The following PXDNL variants were observed in gnomAD, a reference collection of about 807,000 sequenced individuals.
PXDNL encodes the protein peroxidasin like.
A neutral mutation model predicts 150.8 loss-of-function variants in PXDNL; 145 were observed. The ratio of observed to expected loss-of-function variants is 0.96; its 90% CI spans 0.84 to 1.10. PXDNL has a LOEUF of 1.10. PXDNL is among the 50% of genes least tolerant of loss of function. The probability of loss-of-function intolerance (pLI) is 0.00; values close to 1 mark genes in which losing one functional copy is unlikely to be tolerated. For synonymous variants in PXDNL, 757 were observed against 725.7 expected (o/e 1.04, Z -0.69); for missense variants, 2,087 against 1,873.9 (o/e 1.11, Z -2.10).
intron 1 of PXDNL, among the ~76,000 whole-genome samples, chr8:51,786,630 G>C (rs2129252779): frequency 6.6e-6 from 1 of 151,372 alleles, no homozygotes; most frequent in East Asian, 1.9e-4. Context: ...ACTGAAGCTA[G>C]CGGAGGCTGT....
chr8:51,350,007 T>C (rs2915456), intron 19 of PXDNL, among the ~76,000 whole-genome samples: 112,773 of 152,030 alleles, frequency 0.74, 42,338 homozygotes, highest in East Asian at 0.94. Context: ...GCATTCATAT[T>C]GCATATGAAA....
At chr8:51,541,211 T>C (rs979742969) in intron 4 of PXDNL, among the ~76,000 whole-genome samples, 3 of 145,824 alleles carry the variant, frequency 2.1e-5, no homozygotes, top group African/African-American at 5.2e-5. Context: ...TGAGCCAAGA[T>C]GGCACCGCTG....
intron 4 of PXDNL, among the ~76,000 whole-genome samples, chr8:51,510,186 A>G (rs1279852876): frequency 1.3e-5 from 2 of 152,184 alleles, no homozygotes; most frequent in Non-Finnish European, 2.9e-5. Flanking sequence ...AAGAGTCCAC[A>G]GAGCCAGCGA....
chr8:51,689,626 C>A (rs73678959), intron 1 of PXDNL, among the ~76,000 whole-genome samples: 3,901 of 151,978 alleles, frequency 0.026, 185 homozygotes, highest in African/African-American at 0.089. Flanking sequence ...CACCCCAGTG[C>A]GCCCTATGCT....
At position 51,809,417 on chromosome 8, in the gene PXDNL, G is replaced by A. The variant is rs1001412058; in HGVS notation, c.-73C>T. ...AGCAGCTGCAGCTGCAGCAGCAACC[G>A]CAGTGGTGGTGATGGTGGCTGCTGG... On this transcript the variant is annotated 5_prime_UTR_variant, in exon 1 of 23. Transcript: ENST00000356297. The A allele has an allele frequency of 1.4e-6, 2 of 1,407,678 alleles. No homozygotes were observed. The highest frequency in any genetic ancestry group is 1.9e-6 in the Non-Finnish European group (2 of 1,061,668). 87.2% of individuals were successfully genotyped at this position (1,407,678 alleles called of 1,614,324 possible).
chr8:51,603,035 A>G (rs1040072855), intron 2 of PXDNL, among the ~76,000 whole-genome samples: 3 of 151,730 alleles, frequency 2.0e-5, no homozygotes, highest in African/African-American at 7.2e-5. Context: ...TTATTTACAT[A>G]TTATCATTAC....
At chr8:51,547,405 T>C (rs1384828654) in intron 4 of PXDNL, among the ~76,000 whole-genome samples, 5 of 151,986 alleles carry the variant, frequency 3.3e-5, no homozygotes, top group Admixed American at 6.6e-5. Context: ...GCACACTAAA[T>C]AAAACTCCAA....
intron 17 of PXDNL, among the ~76,000 whole-genome samples, chr8:51,404,776 C>T (rs1359240343): frequency 6.6e-6 from 1 of 152,234 alleles, no homozygotes; most frequent in Non-Finnish European, 1.5e-5. Context: ...GGATCCTGCA[C>T]CAGGGTGGCA....
Position 51,457,660 on chromosome 8 carries a change from A to G in PXDNL, c.820T>C (p.Leu274=). The change falls in exon 9 of 23, where the codon TTG becomes CTG. Residue 274 remains leucine, a synonymous_variant. Coordinates refer to ENST00000356297, the MANE Select transcript of PXDNL (RefSeq NM_144651.5). The part of the protein sequence containing the change: ...EIIWIHNNHS[L]DLEDDTRLNV... ...AGTCGAGTATCATCTTCCAAATCCA[A>G]TGAGTGGCTGGAAATATAGGTTATA... 1 of 1,612,152 alleles carries G rather than the reference A, an allele frequency of 6.2e-7. No homozygotes were observed. The highest frequency in any genetic ancestry group is 8.5e-7 in the Non-Finnish European group (1 of 1,178,808).
At chr8:51,612,734 C>T (rs956237209) in intron 2 of PXDNL, among the ~76,000 whole-genome samples, 13 of 152,194 alleles carry the variant, frequency 8.5e-5, no homozygotes, top group African/African-American at 3.1e-4. Flanking sequence ...GAAGAGCCCT[C>T]GCCAGCCCCT....
chr8:51,676,322 G>C lies in PXDNL; in HGVS notation c.165-21562C>G, dbSNP rs148646368. On this transcript the variant is annotated intron_variant, in intron 1 of 22. Transcript: ENST00000356297. Reference sequence around the variant, plus strand: ...GATGGAATCTTGCTCTGTCACCCAGGCTGGAGTGCAGTAGCATGATTTCGG... The same window carrying C: ...GATGGAATCTTGCTCTGTCACCCAGCCTGGAGTGCAGTAGCATGATTTCGG... 4.6e-5 allele frequency among the ~76,000 whole-genome samples: 7 copies of C among 152,050 alleles called. No homozygotes were observed. The East Asian group carries it at 1.4e-3, about 29-fold the overall frequency.
chr8:51,426,202 C>T (rs1809094791), intron 13 of PXDNL, among the ~76,000 whole-genome samples: 2 of 151,952 alleles, frequency 1.3e-5, no homozygotes, highest in African/African-American at 2.4e-5. Context: ...TTTTTAAAGC[C>T]ATTCAGGTTT....
At chr8:51,657,104 C>T (rs184824471) in intron 1 of PXDNL, among the ~76,000 whole-genome samples, 2 of 152,314 alleles carry the variant, frequency 1.3e-5, no homozygotes, top group East Asian at 3.9e-4. Flanking sequence ...CTTAAACACG[C>T]TCAGAACACT....
intron 3 of PXDNL, among the ~76,000 whole-genome samples, chr8:51,567,420 A>T (rs1270492312): frequency 6.6e-6 from 1 of 151,840 alleles, no homozygotes; most frequent in Non-Finnish European, 1.5e-5. Flanking sequence ...TTGCAGCTCT[A>T]ACAGTTTTTG....
intron 21 of PXDNL, among the ~76,000 whole-genome samples, chr8:51,332,634 G>T (rs561553670): frequency 6.6e-6 from 1 of 151,636 alleles, no homozygotes; most frequent in East Asian, 1.9e-4. Flanking sequence ...AGTGCTTAAA[G>T]AAAAAAACAA....
At chr8:51,690,580 T>C (rs1463856263) in intron 1 of PXDNL, among the ~76,000 whole-genome samples, 3 of 152,214 alleles carry the variant, frequency 2.0e-5, no homozygotes, top group East Asian at 3.9e-4. Context: ...TGTTGGACAT[T>C]TGGGTTGGTT....
At chr8:51,459,292 T>C (rs1454619995) in intron 8 of PXDNL, among the ~76,000 whole-genome samples, 2 of 152,270 alleles carry the variant, frequency 1.3e-5, no homozygotes, top group Non-Finnish European at 2.9e-5. Context: ...AGCAATTTAA[T>C]TATTTTAAAT....
rs555779033 is a variant in PXDNL at position 51,749,279 on chromosome 8, C to T, written c.164+59902G>A. Reference sequence around the variant, plus strand: ...AGATACTGAGTCATGGGTCACTTAACGACAAGGATATGTTCTGAGAAATAT... The same window carrying T: ...AGATACTGAGTCATGGGTCACTTAATGACAAGGATATGTTCTGAGAAATAT... On this transcript the variant is annotated intron_variant, in intron 1 of 22. Coordinates refer to ENST00000356297, the MANE Select transcript of PXDNL (RefSeq NM_144651.5). Among the ~76,000 whole-genome samples the T allele has an allele frequency of 1.2e-4, 18 of 152,228 alleles. No individual in the cohort carries two copies. In the South Asian group the frequency reaches 3.3e-3, roughly 28 times the overall value.
At chr8:51,563,083 C>T (rs1021361574) in intron 3 of PXDNL, among the ~76,000 whole-genome samples, 1 of 151,948 alleles carries the variant, frequency 6.6e-6, no homozygotes, top group Non-Finnish European at 1.5e-5. Flanking sequence ...TGAGAATGAT[C>T]ACAGACTAGA....
Sources: gnomAD v4.1 joint callset for allele counts (sites outside exome capture counted in the v4.1 genomes callset) on GRCh38, gnomAD v4.1.1 for gene constraint, MANE v1.5 for transcripts, NCBI Gene and HGNC (gene_info 2026-07-23, HGNC 2026-07-21) for gene names.